ITPK1: variants seen among roughly 807,000 people sequenced by gnomAD.
ITPK1 encodes the protein inositol-tetrakisphosphate 1-kinase, also known as inositol 1,3,4-trisphosphate 5/6-kinase.
In ITPK1, 21 loss-of-function variants were observed where a neutral mutation model predicts 45.3. The ratio of observed to expected loss-of-function variants is 0.46; its 90% CI spans 0.33 to 0.67. ITPK1 has a LOEUF of 0.67. Among genes scored for constraint, ITPK1 ranks in the 30% least tolerant of loss-of-function variants. The pLI, the probability that ITPK1 is intolerant of heterozygous loss-of-function variation, is 0.02. For missense variants in ITPK1, 474 were observed against 573.5 expected, an observed-to-expected ratio of 0.83 and a Z score of 1.77; for synonymous variants, 258 against 253.6, an observed-to-expected ratio of 1.02 and a Z score of -0.16.
intron 3 of ITPK1, among the ~76,000 whole-genome samples, chr14:93,041,695 C>T (rs1270612011): frequency 1.3e-5 from 2 of 152,218 alleles, no homozygotes; most frequent in Non-Finnish European, 2.9e-5. Flanking sequence ...GCCACCATGA[C>T]GAATGCTCCC....
At chr14:92,980,119 C>A (rs987595528) in intron 5 of ITPK1, among the ~76,000 whole-genome samples, 4 of 152,164 alleles carry the variant, frequency 2.6e-5, no homozygotes, top group Admixed American at 2.0e-4. Flanking sequence ...ACAGACTATA[C>A]ACCAGCCCCA....
At chr14:92,951,909 C>A in intron 9 of ITPK1, 37 bp downstream of exon 9, 2 of 1,524,384 alleles carry the variant, frequency 1.3e-6, no homozygotes, top group Non-Finnish European at 1.8e-6. Flanking sequence ...CACGGGAGGG[C>A]AGTTTCAGGC....
At chr14:93,102,369 G>A (rs550602234) in intron 2 of ITPK1, among the ~76,000 whole-genome samples, 19 of 152,388 alleles carry the variant, frequency 1.2e-4, no homozygotes, top group African/African-American at 4.3e-4. Context: ...TCCCAATGCC[G>A]CGGGACACAC....
intron 5 of ITPK1, among the ~76,000 whole-genome samples, chr14:92,976,871 C>T (rs1026034832): frequency 6.6e-6 from 1 of 152,246 alleles, no homozygotes; most frequent in Non-Finnish European, 1.5e-5. Flanking sequence ...CCAGTCTCAT[C>T]ATTCCCACTT....
chr14:93,020,211 C>A (rs902593138), intron 3 of ITPK1, among the ~76,000 whole-genome samples: 1 of 152,206 alleles, frequency 6.6e-6, no homozygotes, highest in Non-Finnish European at 1.5e-5. Flanking sequence ...GCCTGCAAAC[C>A]CCAGTGGCCC....
At chr14:93,001,913 C>T (rs962330392) in intron 4 of ITPK1, among the ~76,000 whole-genome samples, 7 of 152,146 alleles carry the variant, frequency 4.6e-5, no homozygotes, top group African/African-American at 7.2e-5. Flanking sequence ...GGCATCTTGA[C>T]GGGGGTCCTG....
At chr14:93,086,815 C>T (rs1891668907) in intron 2 of ITPK1, among the ~76,000 whole-genome samples, 1 of 152,180 alleles carries the variant, frequency 6.6e-6, no homozygotes, top group Non-Finnish European at 1.5e-5. Flanking sequence ...TTTCCTGGGG[C>T]CCCCCAGCCA....
At chr14:93,080,017 A>G (rs988274833) in intron 2 of ITPK1, among the ~76,000 whole-genome samples, 12 of 152,230 alleles carry the variant, frequency 7.9e-5, no homozygotes, top group Non-Finnish European at 1.5e-4. Flanking sequence ...TTCCCCCAAG[A>G]GGGGACATTA....
At chr14:93,028,486 T>C (rs1004325726) in intron 3 of ITPK1, among the ~76,000 whole-genome samples, 7 of 152,282 alleles carry the variant, frequency 4.6e-5, no homozygotes, top group African/African-American at 1.7e-4. Flanking sequence ...TCCCAGATAC[T>C]GGAAGCAATG....
chr14:92,941,034 G>T lies in ITPK1; in HGVS notation c.*527C>A, dbSNP rs1327914144. 14 of 1,235,180 alleles carry T rather than the reference G, an allele frequency of 1.1e-5. No homozygotes were observed. Among genetic ancestry groups the T allele is most frequent in the Non-Finnish European group, 1.5e-5 (14 of 962,436 alleles). 76.5% of individuals were successfully genotyped at this position (1,235,180 alleles called of 1,614,324 possible). On this transcript the variant is annotated 3_prime_UTR_variant, in exon 11 of 11. Coordinates refer to ENST00000267615, the MANE Select transcript of ITPK1 (RefSeq NM_014216.6). The stretch of plus-strand genomic sequence containing the variant: ...GAGGGGTTAGCTGCACACCAGGCAG[G>T]GTGGGGGCTAACAAAGCCTTGGTGG...
At chr14:92,951,001 A>C (rs1887930043) in intron 9 of ITPK1, among the ~76,000 whole-genome samples, 1 of 152,230 alleles carries the variant, frequency 6.6e-6, no homozygotes, top group South Asian at 2.1e-4. Context: ...AGACAGACAG[A>C]CAGACAGGCC....
intron 5 of ITPK1, among the ~76,000 whole-genome samples, chr14:92,979,996 G>T (rs1886143684): frequency 6.6e-6 from 1 of 152,012 alleles, no homozygotes; most frequent in South Asian, 2.1e-4. Flanking sequence ...GGCCAGGCTG[G>T]TCTGGAACTC....
At chr14:92,966,954 C>T (rs1885401762) in intron 5 of ITPK1, among the ~76,000 whole-genome samples, 1 of 152,198 alleles carries the variant, frequency 6.6e-6, no homozygotes, top group South Asian at 2.1e-4. Context: ...CAAAACTGAT[C>T]ATGATCTCAT....
intron 5 of ITPK1, among the ~76,000 whole-genome samples, chr14:92,983,395 T>C (rs1048050707): frequency 1.3e-5 from 2 of 152,190 alleles, no homozygotes; most frequent in Non-Finnish European, 2.9e-5. Context: ...CAAAACATCT[T>C]AGCTTGGACC....
intron 5 of ITPK1, among the ~76,000 whole-genome samples, chr14:92,988,413 C>T (rs80263140): frequency 1.3e-5 from 2 of 152,202 alleles, no homozygotes; most frequent in Non-Finnish European, 2.9e-5. Context: ...CCCAGCCCCC[C>T]GAGGGGCTAA....
At chr14:93,005,440 T>C (rs1040354538) in intron 4 of ITPK1, among the ~76,000 whole-genome samples, 2 of 152,056 alleles carry the variant, frequency 1.3e-5, no homozygotes, top group Non-Finnish European at 2.9e-5. Context: ...TGGCCCAGAT[T>C]CAGGGTCCGG....
In ITPK1 at chr14:92,958,312, C is replaced by T. The variant is rs773451229; in HGVS notation, c.559G>A (p.Val187Ile). Reference protein sequence around the residue: ...GLNAIQPPCVVQNFINHNAVL... With the variant: ...GLNAIQPPCVIQNFINHNAVL... ...GCGTTGTGGTTGATGAAATTCTGGA[C>T]CACGCAGGGTGGCTGGATGGCGTTC... is the stretch of plus-strand genomic sequence containing the variant. Residue 187 changes from valine (V) to isoleucine (I), a missense_variant, in exon 8 of 11, where the codon GTC (valine) becomes ATC (isoleucine). Physicochemically the swap from Val to Ile is conservative, Grantham distance 29. This residue lies in a region of ITPK1 where 367 missense variants were observed against 480.6 expected (regional missense o/e 0.76). Transcript: ENST00000267615. This position sits in a 1 kb window ranked among gnomAD's most constrained non-coding sequence, Gnocchi z 4.4. 35 of 1,614,086 alleles carry T rather than the reference C, an allele frequency of 2.2e-5. No homozygotes were observed. The highest frequency in any genetic ancestry group is 8.5e-7 in the Non-Finnish European group (1 of 1,180,046).
intron 5 of ITPK1, among the ~76,000 whole-genome samples, chr14:92,968,202 T>C (rs1885474126): frequency 6.6e-6 from 1 of 152,006 alleles, no homozygotes; most frequent in African/African-American, 2.4e-5. Context: ...TGGTGGCACA[T>C]GTCTGTAATC....
chr14:93,025,572 TCAA>T (rs1049323825), intron 3 of ITPK1, among the ~76,000 whole-genome samples: 79 of 152,352 alleles, frequency 5.2e-4, no homozygotes, highest in Middle Eastern at 3.4e-3. Flanking sequence ...CTCCAGTGTC[TCAA>T]CAACATTTAC....
Sources: allele counts gnomAD v4.1 joint callset (sites outside exome capture counted in the v4.1 genomes callset), GRCh38; gene constraint gnomAD v4.1.1; regional missense constraint gnomAD v4.1.1; non-coding constraint Gnocchi (gnomAD v3.1); transcripts MANE v1.5; gene names NCBI Gene and HGNC (gene_info 2026-07-23, HGNC 2026-07-21).